Variants in GBE1 observed in about 807,000 individuals in gnomAD.
GBE1 encodes the protein 1,4-alpha-glucan branching enzyme 1.
In GBE1, 70 loss-of-function variants were observed where a neutral mutation model predicts 88.8. The observed-to-expected ratio is 0.79, with a 90% confidence interval of 0.65 to 0.96. GBE1 has a LOEUF of 0.96. GBE1 is among the 40% of genes least tolerant of loss of function. The pLI, the probability that GBE1 is intolerant of heterozygous loss-of-function variation, is 0.00. For missense variants in GBE1, 872 were observed against 871.0 expected, an observed-to-expected ratio of 1.00 and a Z score of -0.01; for synonymous variants, 284 against 300.1, an observed-to-expected ratio of 0.95 and a Z score of 0.56.
At chr3:81,742,018 G>A (rs1706356495) in intron 1 of GBE1, among the ~76,000 whole-genome samples, 1 of 151,536 alleles carries the variant, frequency 6.6e-6, no homozygotes, top group Admixed American at 6.6e-5. Flanking sequence ...CTTAAAATAA[G>A]ACAGCAAAGG....
chr3:81,610,918 G>A (rs1704173199), intron 7 of GBE1, among the ~76,000 whole-genome samples: 3 of 151,848 alleles, frequency 2.0e-5, no homozygotes, highest in Admixed American at 2.0e-4. Flanking sequence ...ACTACAGCAA[G>A]GGATTTCATC....
At chr3:81,700,478 G>T (rs932514926) in intron 2 of GBE1, among the ~76,000 whole-genome samples, 22 of 152,052 alleles carry the variant, frequency 1.4e-4, no homozygotes, top group Non-Finnish European at 2.1e-4. Flanking sequence ...TTTTTGTATT[G>T]TAATTATTAG....
intron 15 of GBE1, among the ~76,000 whole-genome samples, chr3:81,491,181 C>T (rs371419206): frequency 6.6e-6 from 1 of 152,104 alleles, no homozygotes; most frequent in Non-Finnish European, 1.5e-5. Flanking sequence ...CTTGCTGGTT[C>T]CTTATCTCTT....
intron 14 of GBE1, among the ~76,000 whole-genome samples, chr3:81,533,429 C>T (rs1260203359): frequency 2.0e-5 from 3 of 152,092 alleles, no homozygotes; most frequent in Non-Finnish European, 2.9e-5. Flanking sequence ...GTCACAACTA[C>T]AGCCTCCTCT....
At chr3:81,650,235 G>A (rs1000289944) in intron 3 of GBE1, 1 of 181,874 alleles carries the variant, frequency 5.5e-6, no homozygotes, top group Non-Finnish European at 1.1e-5. Context: ...AATATTATTT[G>A]GAAGCTTCTG....
chr3:81,507,408 C>A (rs1702668984), intron 14 of GBE1, among the ~76,000 whole-genome samples: 1 of 151,702 alleles, frequency 6.6e-6, no homozygotes, highest in African/African-American at 2.4e-5. Flanking sequence ...ACTAAAAATA[C>A]AAAAAATTAG....
Position 81,569,964 on chromosome 3 carries a change from C to T in GBE1, c.1618+7961G>A, listed in dbSNP as rs1703551092. ...GAGTAGCTGGGATTACAGGTGCCTG[C>T]CACTACACCTGGCTAATTTTCTGTA... On this transcript the variant is annotated intron_variant, in intron 12 of 15. Coordinates refer to ENST00000429644, the MANE Select transcript of GBE1 (RefSeq NM_000158.4). Among the ~76,000 whole-genome samples the T allele has an allele frequency of 2.6e-5, 4 of 151,984 alleles. No homozygotes were observed. In the South Asian group the frequency reaches 6.2e-4, roughly 24 times the overall value.
intron 14 of GBE1, among the ~76,000 whole-genome samples, chr3:81,501,919 G>A (rs543913926): frequency 6.6e-6 from 1 of 150,464 alleles, no homozygotes; most frequent in South Asian, 2.1e-4. Flanking sequence ...GGCTGGTCTC[G>A]AACTCTTGAG....
rs576673926 is a variant in GBE1, at chr3:81,624,179, C to T, written c.992+18602G>A. The stretch of plus-strand genomic sequence containing the variant: ...ACAAGGTGGCAGGAAAGAGAAGTCC[C>T]GAGCGAAGGAGGACAAGCCCCTTAT... On this transcript the variant is annotated intron_variant, in intron 7 of 15. Coordinates refer to ENST00000429644, the MANE Select transcript of GBE1 (RefSeq NM_000158.4). Among the ~76,000 whole-genome samples the T allele has an allele frequency of 7.2e-5, 11 of 152,224 alleles. 1 individual carries two copies. In the East Asian group the frequency reaches 1.2e-3, roughly 16 times the overall value.
At chr3:81,587,553 C>T (rs1384604003) in intron 9 of GBE1, among the ~76,000 whole-genome samples, 1 of 152,074 alleles carries the variant, frequency 6.6e-6, no homozygotes, top group Non-Finnish European at 1.5e-5. Context: ...GCTTAAGATT[C>T]GATTCAACAA....
intron 12 of GBE1, among the ~76,000 whole-genome samples, chr3:81,569,604 T>C (rs922733826): frequency 3.3e-5 from 5 of 152,298 alleles, no homozygotes; most frequent in Admixed American, 2.0e-4. Context: ...CTGGGGAATG[T>C]GCTTGTTATT....
chr3:81,500,468 T>C (rs996953132), intron 14 of GBE1, among the ~76,000 whole-genome samples: 20 of 152,206 alleles, frequency 1.3e-4, no homozygotes, highest in East Asian at 1.9e-4. Context: ...TTCTTCAAAA[T>C]ACTTTGACAA....
intron 2 of GBE1, among the ~76,000 whole-genome samples, chr3:81,695,099 C>T (rs1705572034): frequency 6.6e-6 from 1 of 152,216 alleles, no homozygotes; most frequent in African/African-American, 2.4e-5. Context: ...AGAAACACTA[C>T]ATTTTAATCC....
chr3:81,652,431 T>A (rs1559676699), intron 3 of GBE1, among the ~76,000 whole-genome samples: 1 of 152,218 alleles, frequency 6.6e-6, no homozygotes, highest in Non-Finnish European at 1.5e-5. Flanking sequence ...CTTCAATATT[T>A]TGTTTCCAAA....
chr3:81,696,525 A>G (rs148011429), intron 2 of GBE1, among the ~76,000 whole-genome samples: 257 of 152,362 alleles, frequency 1.7e-3, no homozygotes, highest in Non-Finnish European at 3.0e-3. Context: ...TTGGGGCTAG[A>G]TGTGACTGTT....
chr3:81,613,755 G>C (rs368768444), intron 7 of GBE1, among the ~76,000 whole-genome samples: 1 of 152,156 alleles, frequency 6.6e-6, no homozygotes, highest in Non-Finnish European at 1.5e-5. Context: ...CACTCAGTGG[G>C]AGAATCAGCA....
intron 1 of GBE1, among the ~76,000 whole-genome samples, chr3:81,732,968 A>C (rs1340436891): frequency 6.6e-6 from 1 of 151,902 alleles, no homozygotes; most frequent in Non-Finnish European, 1.5e-5. Flanking sequence ...AAACTCTTCT[A>C]TTTGCTGTTT....
At chr3:81,618,939 T>C (rs893887934) in intron 7 of GBE1, among the ~76,000 whole-genome samples, 1 of 152,052 alleles carries the variant, frequency 6.6e-6, no homozygotes, top group African/African-American at 2.4e-5. Flanking sequence ...CTGTACCTAA[T>C]ATACTTTTGG....
At chr3:81,706,030 G>T (rs377578773) in intron 1 of GBE1, among the ~76,000 whole-genome samples, 18 of 152,160 alleles carry the variant, frequency 1.2e-4, no homozygotes, top group African/African-American at 4.1e-4. Flanking sequence ...CTACTGCAGG[G>T]TTTGGCAAAC....
Sources: gnomAD v4.1 joint callset for allele counts (sites outside exome capture counted in the v4.1 genomes callset) on GRCh38, gnomAD v4.1.1 for gene constraint, MANE v1.5 for transcripts, NCBI Gene and HGNC (gene_info 2026-07-23, HGNC 2026-07-21) for gene names.